The following DPP10 variants were observed in gnomAD, a reference collection of about 807,000 sequenced individuals.
DPP10 encodes the protein inactive dipeptidyl peptidase 10.
Under a neutral mutation model 120.9 loss-of-function variants are expected in DPP10, and 33 were observed. The ratio of observed to expected loss-of-function variants is 0.27; its 90% CI spans 0.21 to 0.37. DPP10 has a LOEUF of 0.37. Ranked by LOEUF, DPP10 falls within the 10% of genes least tolerant of loss-of-function variation. DPP10 has a pLI of 1.00. For synonymous variants in DPP10, 337 were observed against 326.1 expected (o/e 1.03, Z -0.36); for missense variants, 816 against 942.8 (o/e 0.87, Z 1.76).
intron 1 of DPP10, among the ~76,000 whole-genome samples, chr2:115,170,866 C>T (rs2053265519): frequency 1.3e-5 from 2 of 152,192 alleles, no homozygotes; most frequent in South Asian, 4.1e-4. Context: ...CTTTAGGCCA[C>T]TGTGGCATGA....
intron 1 of DPP10, among the ~76,000 whole-genome samples, chr2:114,682,083 C>A (rs1414198828): frequency 6.6e-6 from 1 of 151,914 alleles, no homozygotes; most frequent in Non-Finnish European, 1.5e-5. Flanking sequence ...GTCCTAAGCC[C>A]TGCTGTAAGA....
chr2:115,825,131 A>C (rs559600251), intron 21 of DPP10, among the ~76,000 whole-genome samples: 1 of 152,354 alleles, frequency 6.6e-6, no homozygotes, highest in East Asian at 1.9e-4. Context: ...ACTGTTATTT[A>C]CTTTCCAACT....
At chr2:114,453,431 T>C (rs1352849684) in intron 1 of DPP10, among the ~76,000 whole-genome samples, 2 of 152,204 alleles carry the variant, frequency 1.3e-5, no homozygotes, top group Non-Finnish European at 2.9e-5. Context: ...TAACATGTCA[T>C]TGGACTTTCT....
intron 1 of DPP10, among the ~76,000 whole-genome samples, chr2:115,021,093 G>A (rs1703039052): frequency 6.6e-6 from 1 of 151,840 alleles, no homozygotes; most frequent in South Asian, 2.1e-4. Flanking sequence ...GACAATCTAA[G>A]GTCACACATC....
intron 1 of DPP10, among the ~76,000 whole-genome samples, chr2:115,204,208 C>G (rs2055952756): frequency 6.6e-6 from 1 of 152,102 alleles, no homozygotes; most frequent in Non-Finnish European, 1.5e-5. Context: ...ACTGGGCCCT[C>G]TTAAAAGGCT....
intron 1 of DPP10, among the ~76,000 whole-genome samples, chr2:115,101,814 A>G (rs978080758): frequency 1.3e-5 from 2 of 152,332 alleles, no homozygotes; most frequent in African/African-American, 4.8e-5. Context: ...ATGTTTTTCC[A>G]AGGCCTCTAA....
At chr2:115,768,177 C>A in intron 12 of DPP10, 120 bp from the exon 13 acceptor site, 3 of 770,152 alleles carry the variant, frequency 3.9e-6, no homozygotes, top group Non-Finnish European at 5.9e-6. Context: ...AATAATGTGC[C>A]CATTTTCCTA....
intron 1 of DPP10, among the ~76,000 whole-genome samples, chr2:114,525,924 G>C (rs1296633483): frequency 2.0e-5 from 3 of 152,106 alleles, no homozygotes; most frequent in Non-Finnish European, 4.4e-5. Context: ...CTCCTAAACA[G>C]TAGCTCTTCT....
intron 1 of DPP10, among the ~76,000 whole-genome samples, chr2:114,759,404 A>G (rs951092559): frequency 2.6e-5 from 4 of 152,192 alleles, no homozygotes; most frequent in Non-Finnish European, 5.9e-5. Context: ...TCTTTCAGAC[A>G]GTGGAACTCA....
intron 1 of DPP10, among the ~76,000 whole-genome samples, chr2:114,923,202 T>C (rs1449296789): frequency 6.6e-6 from 1 of 151,142 alleles, no homozygotes; most frequent in Non-Finnish European, 1.5e-5. Flanking sequence ...TTTTTTTTTT[T>C]AGACAGAGTG....
At chr2:115,691,716 G>A (rs2091325829) in intron 7 of DPP10, among the ~76,000 whole-genome samples, 1 of 152,006 alleles carries the variant, frequency 6.6e-6, no homozygotes, top group Non-Finnish European at 1.5e-5. Flanking sequence ...CCCATTTTCA[G>A]AATTTTGAAT....
intron 3 of DPP10, among the ~76,000 whole-genome samples, chr2:115,418,421 G>A (rs771428335): frequency 4.3e-4 from 65 of 152,082 alleles, no homozygotes; most frequent in Admixed American, 9.2e-4. Flanking sequence ...GACTGAGAGA[G>A]AGAGAGACTG....
At position 115,459,261 on chromosome 2, in the gene DPP10, A is replaced by G. The variant is rs1053784437; in HGVS notation, c.272-40249A>G. On this transcript the variant is annotated intron_variant, in intron 3 of 25. Coordinates refer to ENST00000410059, the MANE Select transcript of DPP10 (RefSeq NM_020868.6). ...AACCACCACCTCCCTTGTTCAAGTG[A>G]TTCGTCTGCCTCAGCCTCCCAAGTA... Among the ~76,000 whole-genome samples, 4 of 151,798 alleles carry G rather than the reference A, an allele frequency of 2.6e-5. No homozygotes were observed. In the East Asian group the frequency reaches 7.8e-4, roughly 29 times the overall value.
At position 115,292,786 on chromosome 2, in the gene DPP10, T is replaced by C. The variant is rs1340715755; in HGVS notation, c.61-16453T>C. On this transcript the variant is annotated intron_variant, in intron 1 of 25. Transcript: ENST00000410059. ...GCTATCCAATTGAAACACTTAACTTTTACTGAGGATCTGAGCATTGTCCCA... is the reference window on the plus strand; with the variant it reads ...GCTATCCAATTGAAACACTTAACTTCTACTGAGGATCTGAGCATTGTCCCA... Among the ~76,000 whole-genome samples the C allele has an allele frequency of 3.9e-5, 6 of 152,150 alleles. No individual in the cohort carries two copies. In the South Asian group the frequency reaches 1.2e-3, roughly 32 times the overall value.
rs1553520226 is a variant in DPP10, at chr2:115,836,134, ATATATATAT to A, written c.1951-21_1951-13del. On this transcript the variant is annotated splice_polypyrimidine_tract_variant and intron_variant, in intron 21 of 25. Transcript: ENST00000410059. ...GTGTGTGTGAGATATATATATATAT[ATATATATAT>A]TTTTCCCCCCCAGGGTTATGGTGGC... The A allele has an allele frequency of 8.6e-7, 1 of 1,166,288 alleles. No individual in the cohort carries two copies. The highest frequency in any genetic ancestry group is 1.6e-5 in the African/African-American group (1 of 61,568). The allele number at this position is 1,166,288 out of a possible 1,614,324, so 72.2% of individuals were successfully genotyped here.
intron 5 of DPP10, among the ~76,000 whole-genome samples, chr2:115,637,748 T>A (rs1332272109): frequency 3.9e-5 from 6 of 152,212 alleles, no homozygotes; most frequent in Non-Finnish European, 8.8e-5. Context: ...GGGAGGCCCC[T>A]GTGACCTGGG....
At chr2:114,489,417 C>A (rs1681791931) in intron 1 of DPP10, among the ~76,000 whole-genome samples, 1 of 152,194 alleles carries the variant, frequency 6.6e-6, no homozygotes, top group African/African-American at 2.4e-5. Flanking sequence ...TTGCTGTAGC[C>A]AGGGGCCCAG....
chr2:114,522,055 C>CT (rs1156808185), intron 1 of DPP10, among the ~76,000 whole-genome samples: 322 of 144,520 alleles, frequency 2.2e-3, no homozygotes, highest in Non-Finnish European at 3.6e-3. Flanking sequence ...TCTCGGCTCA[C>CT]TGCAAGCTCC....
intron 1 of DPP10, among the ~76,000 whole-genome samples, chr2:115,264,347 A>G (rs1323941956): frequency 6.6e-6 from 1 of 152,172 alleles, no homozygotes; most frequent in East Asian, 1.9e-4. Flanking sequence ...GGTTGGGTTC[A>G]GGTATCTATG....
Sources: allele counts gnomAD v4.1 joint callset (sites outside exome capture counted in the v4.1 genomes callset), GRCh38; gene constraint gnomAD v4.1.1; transcripts MANE v1.5; gene names NCBI Gene and HGNC (gene_info 2026-07-23, HGNC 2026-07-21).